MACROD2: variants seen among roughly 807,000 people sequenced by gnomAD.
MACROD2 encodes the protein mono-ADP ribosylhydrolase 2.
Under a neutral mutation model 70.4 loss-of-function variants are expected in MACROD2, and 36 were observed. The observed-to-expected ratio is 0.51, with a 90% CI of 0.39 to 0.68. The LOEUF (loss-of-function observed/expected upper bound fraction) is 0.68, where lower values mean the gene tolerates loss of function less well. Among genes scored for constraint, MACROD2 ranks in the 30% least tolerant of loss-of-function variants. MACROD2 has a pLI of 0.00. For missense variants in MACROD2, 496 were observed against 538.4 expected, an observed-to-expected ratio of 0.92 and a Z score of 0.78; for synonymous variants, 172 against 178.8, an observed-to-expected ratio of 0.96 and a Z score of 0.30.
At chr20:15,511,186 A>G (rs1216371790) in intron 8 of MACROD2, among the ~76,000 whole-genome samples, 2 of 152,232 alleles carry the variant, frequency 1.3e-5, no homozygotes, top group Non-Finnish European at 2.9e-5. Flanking sequence ...ATGCACGCAT[A>G]TATCCTCTGT....
chr20:15,336,345 A>G (rs1305800491), intron 6 of MACROD2, among the ~76,000 whole-genome samples: 2 of 150,854 alleles, frequency 1.3e-5, no homozygotes, highest in East Asian at 1.9e-4. Flanking sequence ...AGAGAAAATT[A>G]CAAACTAGAA....
intron 5 of MACROD2, among the ~76,000 whole-genome samples, chr20:14,962,527 TTCTC>T (rs1410453703): frequency 2.2e-5 from 3 of 135,952 alleles, no homozygotes; most frequent in South Asian, 2.3e-4. Context: ...CTCTCTCTCT[TTCTC>T]TCTCTCTCTC....
At chr20:14,608,194 T>G (rs903698553) in intron 4 of MACROD2, among the ~76,000 whole-genome samples, 2 of 151,936 alleles carry the variant, frequency 1.3e-5, no homozygotes, top group Non-Finnish European at 2.9e-5. Context: ...GCACGGAGGT[T>G]GTAGTGAGCT....
intron 3 of MACROD2, among the ~76,000 whole-genome samples, chr20:14,164,410 G>A (rs1392599505): frequency 6.6e-6 from 1 of 152,150 alleles, no homozygotes; most frequent in African/African-American, 2.4e-5. Flanking sequence ...GTCCAGAAAG[G>A]CCTATTCTTG....
At chr20:15,909,689 A>G (rs1310168187) in intron 10 of MACROD2, among the ~76,000 whole-genome samples, 1 of 151,532 alleles carries the variant, frequency 6.6e-6, no homozygotes, top group Non-Finnish European at 1.5e-5. Context: ...GCGCCCGGCT[A>G]ATTTTTTGTA....
intron 5 of MACROD2, among the ~76,000 whole-genome samples, chr20:14,731,553 G>A (rs1017021143): frequency 3.3e-5 from 5 of 152,130 alleles, no homozygotes; most frequent in South Asian, 2.1e-4. Flanking sequence ...TTGCTAGGTA[G>A]GAGTCTGCTA....
rs552138529 is a variant in MACROD2, at chr20:14,866,068, C to T, written c.418+181109C>T. Among the ~76,000 whole-genome samples, 145 of 152,102 alleles carry T rather than the reference C, an allele frequency of 9.5e-4. 1 individual carries two copies. Among genetic ancestry groups the T allele is most frequent in the African/African-American group, 3.2e-3 (132 of 41,504 alleles). ...ATTAATCTTTGTGTAGGATTCCTGGCAAATGATAGGCACAAAATGACTATA... is the reference window on the plus strand; with the variant it reads ...ATTAATCTTTGTGTAGGATTCCTGGTAAATGATAGGCACAAAATGACTATA... On this transcript the variant is annotated intron_variant, in intron 5 of 17. Coordinates refer to ENST00000684519, the MANE Select transcript of MACROD2 (RefSeq NM_001351661.2).
At chr20:15,405,596 TCTC>T (rs1489872065) in intron 6 of MACROD2, among the ~76,000 whole-genome samples, 1 of 152,152 alleles carries the variant, frequency 6.6e-6, no homozygotes, top group African/African-American at 2.4e-5. Context: ...CTTGTCGCCT[TCTC>T]CACCATGGGG....
intron 4 of MACROD2, among the ~76,000 whole-genome samples, chr20:14,534,223 T>C (rs541248517): frequency 6.6e-6 from 1 of 152,242 alleles, no homozygotes; most frequent in African/African-American, 2.4e-5. Flanking sequence ...GAAGGGTAAT[T>C]TCATTTTCCT....
chr20:14,982,275 G>T (rs13042334), intron 5 of MACROD2, among the ~76,000 whole-genome samples: 12 of 152,108 alleles, frequency 7.9e-5, no homozygotes, highest in African/African-American at 2.7e-4. Flanking sequence ...GAAGGGAAAT[G>T]GAACATAAAA....
At chr20:14,515,960 TATATA>T (rs1235656431) in intron 4 of MACROD2, among the ~76,000 whole-genome samples, 5 of 147,854 alleles carry the variant, frequency 3.4e-5, no homozygotes, top group South Asian at 2.1e-4. Flanking sequence ...CATTATATAT[TATATA>T]ATATATTTTA....
At chr20:14,092,248 C>T (rs186631609) in intron 3 of MACROD2, among the ~76,000 whole-genome samples, 22 of 151,762 alleles carry the variant, frequency 1.4e-4, no homozygotes, top group African/African-American at 4.8e-4. Flanking sequence ...TTGTGTTTCC[C>T]CAAAGGTTAA....
intron 3 of MACROD2, among the ~76,000 whole-genome samples, chr20:14,438,205 A>G (rs1006018992): frequency 5.3e-5 from 8 of 152,284 alleles, no homozygotes; most frequent in African/African-American, 1.4e-4. Context: ...ATTTAGCATA[A>G]TGTCTTCCAG....
chr20:14,929,631 A>C (rs1568881950), intron 5 of MACROD2: 1 of 152,000 alleles, frequency 6.6e-6, no homozygotes, highest in Non-Finnish European at 1.5e-5. Context: ...CCCATCCTGG[A>C]GGAGGGAGAG....
intron 4 of MACROD2, among the ~76,000 whole-genome samples, chr20:14,648,412 A>G (rs868574288): frequency 1.3e-5 from 2 of 152,286 alleles, no homozygotes; most frequent in Middle Eastern, 3.4e-3. Flanking sequence ...TTTTCAATAT[A>G]ATCTTCCTGA....
chr20:14,348,268 C>CAA (rs545110146), intron 3 of MACROD2, among the ~76,000 whole-genome samples: 1,833 of 73,936 alleles, frequency 0.025, 33 homozygotes, highest in African/African-American at 0.062. Flanking sequence ...GACTCCGTCT[C>CAA]AAAAAAAAAA....
At chr20:14,085,104 A>C (rs1226547022) in intron 2 of MACROD2, among the ~76,000 whole-genome samples, 5 of 151,494 alleles carry the variant, frequency 3.3e-5, no homozygotes, top group Non-Finnish European at 5.9e-5. Context: ...CAGGGGTTGC[A>C]GTGAGCCGAG....
At chr20:15,929,530 C>T (rs1365961949) in intron 10 of MACROD2, among the ~76,000 whole-genome samples, 5 of 151,958 alleles carry the variant, frequency 3.3e-5, no homozygotes, top group Non-Finnish European at 7.4e-5. Context: ...TTGAATTGTC[C>T]GTAGTCTGTC....
intron 5 of MACROD2, among the ~76,000 whole-genome samples, chr20:15,154,766 A>C (rs1433697995): frequency 6.6e-6 from 1 of 152,184 alleles, no homozygotes; most frequent in African/African-American, 2.4e-5. Flanking sequence ...TCCACCTCCT[A>C]ATATCACATT....
Sources: gnomAD v4.1 joint callset for allele counts (sites outside exome capture counted in the v4.1 genomes callset) on GRCh38, gnomAD v4.1.1 for gene constraint, MANE v1.5 for transcripts, NCBI Gene and HGNC (gene_info 2026-07-23, HGNC 2026-07-21) for gene names.